Variants in PTPRT observed in about 807,000 individuals in gnomAD.
The protein encoded by PTPRT is protein tyrosine phosphatase receptor type T, also known as receptor-type tyrosine-protein phosphatase T.
In PTPRT, 56 loss-of-function variants were observed where a neutral mutation model predicts 176.8. The observed-to-expected ratio is 0.32, with a 90% CI of 0.26 to 0.40. The LOEUF is 0.40. PTPRT is among the 10% of genes least tolerant of loss of function. The pLI, the probability that PTPRT is intolerant of heterozygous loss-of-function variation, is 1.00. For missense variants in PTPRT, 1,540 were observed against 1,908.2 expected (o/e 0.81, Z 3.60); for synonymous variants, 783 against 739.0 (o/e 1.06, Z -0.96).
chr20:43,133,421 T>C (rs543078122), intron 1 of PTPRT, among the ~76,000 whole-genome samples: 2 of 152,260 alleles, frequency 1.3e-5, no homozygotes, highest in South Asian at 4.1e-4. Flanking sequence ...CCTACTGAAG[T>C]AATCTGGACA....
chr20:42,307,588 A>G (rs2057562181), intron 12 of PTPRT, among the ~76,000 whole-genome samples: 1 of 152,162 alleles, frequency 6.6e-6, no homozygotes, highest in African/African-American at 2.4e-5. Context: ...TCATAAGGAC[A>G]TGCGAACAGT....
intron 1 of PTPRT, among the ~76,000 whole-genome samples, chr20:43,181,174 C>A (rs2015249433): frequency 6.6e-6 from 1 of 152,172 alleles, no homozygotes; most frequent in African/African-American, 2.4e-5. Flanking sequence ...CCGCCAACAG[C>A]CACGGAAGTG....
At chr20:42,210,692 A>C (rs867028083) in intron 15 of PTPRT, among the ~76,000 whole-genome samples, 1 of 151,804 alleles carries the variant, frequency 6.6e-6, no homozygotes, top group Non-Finnish European at 1.5e-5. Context: ...GGTAGGAAGA[A>C]TCAATATCGT....
chr20:42,877,105 A>C (rs1251994813), intron 2 of PTPRT, among the ~76,000 whole-genome samples: 1 of 152,206 alleles, frequency 6.6e-6, no homozygotes, highest in African/African-American at 2.4e-5. Context: ...GAATATTGAG[A>C]AGCTCATAAT....
chr20:42,579,711 A>T (rs1270413216), intron 7 of PTPRT, among the ~76,000 whole-genome samples: 1 of 152,104 alleles, frequency 6.6e-6, no homozygotes, highest in Admixed American at 6.5e-5. Context: ...GTCTTCTTTT[A>T]AGAAGTGTCT....
intron 9 of PTPRT, among the ~76,000 whole-genome samples, chr20:42,369,449 G>A (rs147804921): frequency 3.3e-4 from 50 of 152,282 alleles, no homozygotes; most frequent in African/African-American, 1.0e-3. Flanking sequence ...CCTATGCTTC[G>A]CAGGCTACTT....
chr20:43,129,553 C>T (rs1452187142), intron 1 of PTPRT, among the ~76,000 whole-genome samples: 6 of 151,458 alleles, frequency 4.0e-5, no homozygotes, highest in South Asian at 2.1e-4. Context: ...CCAAACAGAA[C>T]GCTGCCTTTA....
intron 1 of PTPRT, among the ~76,000 whole-genome samples, chr20:42,993,090 T>G (rs770985167): frequency 6.6e-6 from 1 of 152,092 alleles, no homozygotes; most frequent in Non-Finnish European, 1.5e-5. Flanking sequence ...AACTGAGGCA[T>G]GACGAGCTTC....
intron 1 of PTPRT, among the ~76,000 whole-genome samples, chr20:43,082,906 G>C (rs1050206054): frequency 1.3e-5 from 2 of 152,056 alleles, no homozygotes; most frequent in African/African-American, 2.4e-5. Context: ...CACTCATCAT[G>C]ATGGCCTAAC....
At chr20:42,395,125 T>G (rs1356486098) in intron 9 of PTPRT, among the ~76,000 whole-genome samples, 6 of 152,156 alleles carry the variant, frequency 3.9e-5, no homozygotes, top group African/African-American at 1.4e-4. Flanking sequence ...TCCTTTACAT[T>G]TCCCCATTTC....
chr20:42,998,320 G>T (rs1279549265), intron 1 of PTPRT, among the ~76,000 whole-genome samples: 1 of 152,154 alleles, frequency 6.6e-6, no homozygotes, highest in Non-Finnish European at 1.5e-5. Flanking sequence ...ACTGGAACCT[G>T]CATCAGCATC....
At chr20:43,122,793 C>A (rs2013314174) in intron 1 of PTPRT, among the ~76,000 whole-genome samples, 1 of 152,142 alleles carries the variant, frequency 6.6e-6, no homozygotes, top group African/African-American at 2.4e-5. Flanking sequence ...TAACTGTGAG[C>A]CAAATTAAAC....
intron 18 of PTPRT, among the ~76,000 whole-genome samples, chr20:42,139,724 G>T (rs1385491706): frequency 6.6e-6 from 1 of 152,234 alleles, no homozygotes; most frequent in Non-Finnish European, 1.5e-5. Context: ...CTCAGGCATA[G>T]GCTTTATCAG....
In PTPRT at chr20:42,639,455, C is replaced by T. The variant is rs529039127; in HGVS notation, c.1153+38411G>A. Among the ~76,000 whole-genome samples, 9 of 152,242 alleles carry T rather than the reference C, an allele frequency of 5.9e-5. No homozygotes were observed. The South Asian group carries it at 1.7e-3, about 28-fold the overall frequency. ...CCTTTGCATGCAGCCTCTGTTCTGGCCCTGAATCCGCTCTCTCCGCAATTC... is the reference window on the plus strand; with the variant it reads ...CCTTTGCATGCAGCCTCTGTTCTGGTCCTGAATCCGCTCTCTCCGCAATTC... On this transcript the variant is annotated intron_variant, in intron 7 of 30. Coordinates refer to ENST00000373187, the MANE Select transcript of PTPRT (RefSeq NM_007050.6).
chr20:42,804,500 G>C lies in PTPRT; in HGVS notation c.215-13034C>G, dbSNP rs76737493. On this transcript the variant is annotated intron_variant, in intron 2 of 30. Coordinates refer to ENST00000373187, the MANE Select transcript of PTPRT (RefSeq NM_007050.6). ...CTAGACCCAGATGGAAAGAGAACAA[G>C]ACAAAATCAGGAAGTAGAGGCAGCT... Among the ~76,000 whole-genome samples, 25 of 152,328 alleles carry C rather than the reference G, an allele frequency of 1.6e-4. No individual in the cohort carries two copies. The East Asian group carries it at 2.9e-3, about 18-fold the overall frequency.
At chr20:42,644,254 T>C (rs377200176) in intron 7 of PTPRT, among the ~76,000 whole-genome samples, 5 of 152,070 alleles carry the variant, frequency 3.3e-5, no homozygotes, top group Admixed American at 3.3e-4. Flanking sequence ...GCCTCCAGAC[T>C]CACCTTTTCT....
At position 42,581,314 on chromosome 20, in the gene PTPRT, G is replaced by A. The variant is rs929029715; in HGVS notation, c.1153+96552C>T. Among the ~76,000 whole-genome samples the A allele has an allele frequency of 2.6e-5, 4 of 152,142 alleles. No individual in the cohort carries two copies. The East Asian group carries it at 7.7e-4, about 29-fold the overall frequency. Reference sequence around the variant, plus strand: ...TTCCAATCTGCATTCTCTCTGCTGCGTTTTCTCTTACTACCTTTTAGCATA... The same window carrying A: ...TTCCAATCTGCATTCTCTCTGCTGCATTTTCTCTTACTACCTTTTAGCATA... On this transcript the variant is annotated intron_variant, in intron 7 of 30. Transcript: ENST00000373187.
intron 6 of PTPRT, among the ~76,000 whole-genome samples, chr20:42,701,572 G>A (rs757316176): frequency 1.3e-5 from 2 of 152,174 alleles, no homozygotes; most frequent in East Asian, 3.8e-4. Flanking sequence ...AAGTGGACCT[G>A]GGGTTTACAT....
At chr20:43,053,406 A>C (rs1417261737) in intron 1 of PTPRT, among the ~76,000 whole-genome samples, 3 of 152,114 alleles carry the variant, frequency 2.0e-5, no homozygotes, top group Non-Finnish European at 2.9e-5. Flanking sequence ...GGTTTCTCTA[A>C]ACACAAATCT....
Sources: allele counts gnomAD v4.1 joint callset (sites outside exome capture counted in the v4.1 genomes callset), GRCh38; gene constraint gnomAD v4.1.1; transcripts MANE v1.5; gene names NCBI Gene and HGNC (gene_info 2026-07-23, HGNC 2026-07-21).